The following KCNH5 variants were observed in gnomAD, a reference collection of about 807,000 sequenced individuals.
The protein encoded by KCNH5 is voltage-gated delayed rectifier potassium channel KCNH5.
A neutral mutation model predicts 96.1 loss-of-function variants in KCNH5; 46 were observed. The observed-to-expected ratio is 0.48, with a 90% CI of 0.38 to 0.61. The LOEUF is 0.61. Ranked by LOEUF, KCNH5 falls within the 20% of genes least tolerant of loss-of-function variation. The probability of loss-of-function intolerance (pLI) is 0.00; values close to 1 mark genes in which losing one functional copy is unlikely to be tolerated. For missense variants in KCNH5, 907 were observed against 1,225.8 expected, an observed-to-expected ratio of 0.74 and a Z score of 3.88; for synonymous variants, 439 against 449.8, an observed-to-expected ratio of 0.98 and a Z score of 0.30.
rs1207143491 is a variant in KCNH5 at position 62,703,207 on chromosome 14, T to C, written c.*4301A>G. ...ATTCCCACATAAGTATGAAGTTTTA[T>C]GCTTACCTGCCACTAGCAAACTATG... On this transcript the variant is annotated 3_prime_UTR_variant, in exon 11 of 11. Transcript: ENST00000322893. The C allele has an allele frequency of 6.6e-6, 1 of 151,960 alleles. No individual in the cohort carries two copies. The highest frequency in any genetic ancestry group is 1.9e-4 in the East Asian group (1 of 5,190). 9.4% of individuals were successfully genotyped at this position (151,960 alleles called of 1,614,324 possible).
At chr14:62,759,934 C>A (rs1566651622) in intron 10 of KCNH5, among the ~76,000 whole-genome samples, 1 of 152,160 alleles carries the variant, frequency 6.6e-6, no homozygotes. Context: ...ATGTCAGGCA[C>A]TTTTCTTTTC....
chr14:62,872,976 C>T (rs1205009914), intron 7 of KCNH5, among the ~76,000 whole-genome samples: 2 of 151,942 alleles, frequency 1.3e-5, no homozygotes, highest in Non-Finnish European at 2.9e-5. Flanking sequence ...CAGTGAAACT[C>T]CGTTTCTACT....
chr14:63,012,979 GGGAAAA>G (rs1163078390), intron 2 of KCNH5, among the ~76,000 whole-genome samples: 6 of 142,884 alleles, frequency 4.2e-5, no homozygotes, highest in Admixed American at 4.1e-4. Context: ...TGGGATGAAA[GGGAAAA>G]GAAATAAAAG....
intron 7 of KCNH5, among the ~76,000 whole-genome samples, chr14:62,913,154 G>A (rs1287138483): frequency 6.6e-6 from 1 of 152,172 alleles, no homozygotes; most frequent in Non-Finnish European, 1.5e-5. Context: ...GATGCATCTT[G>A]TTGGCCTCGA....
At chr14:62,716,212 A>G (rs1043318034) in intron 10 of KCNH5, among the ~76,000 whole-genome samples, 3 of 152,214 alleles carry the variant, frequency 2.0e-5, no homozygotes, top group Non-Finnish European at 4.4e-5. Flanking sequence ...CTTCAAGAGC[A>G]AGAATACAGC....
chr14:62,920,663 T>C lies in KCNH5; in HGVS notation c.1369+29470A>G, dbSNP rs140737120. 8.7e-4 allele frequency among the ~76,000 whole-genome samples: 132 copies of C among 152,260 alleles called. 1 individual carries two copies. Among genetic ancestry groups the C allele is most frequent in the African/African-American group, 3.0e-3 (123 of 41,562 alleles). ...GAAACAAACTGATTTAGGGTATGTT[T>C]GTATCAAGAAATAAAAATTACAATC... On this transcript the variant is annotated intron_variant, in intron 7 of 10. Coordinates refer to ENST00000322893, the MANE Select transcript of KCNH5 (RefSeq NM_139318.5).
chr14:62,829,963 AG>A (rs1216387657), intron 8 of KCNH5, among the ~76,000 whole-genome samples: 2 of 152,160 alleles, frequency 1.3e-5, no homozygotes, highest in African/African-American at 4.8e-5. Flanking sequence ...TTTCAGAAAA[AG>A]TCAGGTCACG....
intron 1 of KCNH5, among the ~76,000 whole-genome samples, chr14:63,022,227 T>C (rs937287081): frequency 7.2e-5 from 11 of 152,142 alleles, no homozygotes; most frequent in African/African-American, 2.7e-4. Context: ...CAATCAACAT[T>C]TATCCCATTA....
chr14:63,017,672 C>T (rs1891351477), intron 1 of KCNH5, among the ~76,000 whole-genome samples: 1 of 151,332 alleles, frequency 6.6e-6, no homozygotes. Context: ...TTGTAAACCA[C>T]ATGTTATATG....
In KCNH5 at chr14:62,992,041, AT is replaced by A. The variant is rs986090519; in HGVS notation, c.434-4855del. On this transcript the variant is annotated intron_variant, in intron 4 of 10. Coordinates refer to ENST00000322893, the MANE Select transcript of KCNH5 (RefSeq NM_139318.5). The stretch of plus-strand genomic sequence containing the variant: ...CCACTCTCTACATCCATGTGTACAC[AT>A]TTTTTTAACACCCACTTATGAGTGA... 3.2e-4 allele frequency among the ~76,000 whole-genome samples: 48 copies of A among 151,858 alleles called. 1 individual carries two copies. Among genetic ancestry groups the A allele is most frequent in the African/African-American group, 6.0e-4 (25 of 41,436 alleles).
rs562041552 is a variant in KCNH5 at position 62,818,117 on chromosome 14, G to T, written c.1570-15536C>A. Among the ~76,000 whole-genome samples, 10 of 115,520 alleles carry T rather than the reference G, an allele frequency of 8.7e-5. No individual in the cohort carries two copies. The East Asian group carries it at 9.3e-4, about 11-fold the overall frequency. The allele number at this position is 115,520 out of a possible 152,430, so 75.8% of individuals were successfully genotyped here. On this transcript the variant is annotated intron_variant, in intron 8 of 10. Transcript: ENST00000322893. ...CTACCAGGAGCTGGGGGCGGGGGGG[G>T]GGTGGAAGAAATGGGGAGATGTTTG...
intron 6 of KCNH5, among the ~76,000 whole-genome samples, chr14:62,975,277 T>C (rs572285423): frequency 7.8e-4 from 119 of 152,264 alleles, no homozygotes; most frequent in African/African-American, 2.7e-3. Flanking sequence ...AAGATATTAA[T>C]TAAAGCTGCT....
At chr14:63,007,841 A>G (rs1240877754) in intron 2 of KCNH5, among the ~76,000 whole-genome samples, 2 of 152,200 alleles carry the variant, frequency 1.3e-5, no homozygotes, top group African/African-American at 4.8e-5. Flanking sequence ...TACAAAACAT[A>G]GATTAAGGAG....
At chr14:62,727,982 A>AG (rs1342237449) in intron 10 of KCNH5, among the ~76,000 whole-genome samples, 1 of 149,602 alleles carries the variant, frequency 6.7e-6, no homozygotes, top group Admixed American at 6.8e-5. Flanking sequence ...GAGATACTCC[A>AG]GAGCAGTCAG....
At chr14:62,889,372 G>C (rs1041338386) in intron 7 of KCNH5, among the ~76,000 whole-genome samples, 5 of 152,124 alleles carry the variant, frequency 3.3e-5, no homozygotes, top group African/African-American at 1.2e-4. Context: ...CATCACATGG[G>C]GGCCAAGCCA....
chr14:62,888,434 C>G, intron 7 of KCNH5, among the ~76,000 whole-genome samples: 1 of 152,104 alleles, frequency 6.6e-6, no homozygotes, highest in East Asian at 1.9e-4. Flanking sequence ...ACCTCTGAGT[C>G]TCAGATAGAT....
At chr14:63,027,341 G>T (rs556834513) in intron 1 of KCNH5, among the ~76,000 whole-genome samples, 1 of 151,936 alleles carries the variant, frequency 6.6e-6, no homozygotes, top group East Asian at 1.9e-4. Flanking sequence ...GATTTTAAGT[G>T]TTCTCACTGC....
chr14:63,002,987 A>G (rs1234394523), intron 3 of KCNH5, among the ~76,000 whole-genome samples: 4 of 152,182 alleles, frequency 2.6e-5, no homozygotes, highest in Non-Finnish European at 2.9e-5. Context: ...TAGTGGATAC[A>G]TGGCCTGTAG....
Position 62,781,831 on chromosome 14 carries a change from C to T in KCNH5, c.1823-1907G>A, listed in dbSNP as rs182702159. Among the ~76,000 whole-genome samples the T allele has an allele frequency of 1.8e-4, 27 of 152,174 alleles. No homozygotes were observed. In the East Asian group the frequency reaches 5.0e-3, roughly 28 times the overall value. ...CAGTTAATGCAATTATTTCAGGGTCCTAAGGCAATATACATCCTCCTCAGC... is the reference window on the plus strand; with the variant it reads ...CAGTTAATGCAATTATTTCAGGGTCTTAAGGCAATATACATCCTCCTCAGC... On this transcript the variant is annotated intron_variant, in intron 9 of 10. Coordinates refer to ENST00000322893, the MANE Select transcript of KCNH5 (RefSeq NM_139318.5).
Sources: allele counts gnomAD v4.1 joint callset (sites outside exome capture counted in the v4.1 genomes callset), GRCh38; gene constraint gnomAD v4.1.1; transcripts MANE v1.5; gene names NCBI Gene and HGNC (gene_info 2026-07-23, HGNC 2026-07-21).